Variants in ARID4A observed in about 807,000 individuals in gnomAD.
ARID4A encodes the protein AT-rich interaction domain 4A, also known as AT-rich interactive domain-containing protein 4A.
A neutral mutation model predicts 148.6 loss-of-function variants in ARID4A; 39 were observed. That is an observed-to-expected ratio of 0.26 (90% CI 0.20 to 0.34). The LOEUF (loss-of-function observed/expected upper bound fraction) is 0.34, where lower values mean the gene tolerates loss of function less well. Among genes scored for constraint, ARID4A ranks in the 10% least tolerant of loss-of-function variants. ARID4A has a pLI of 1.00. For synonymous variants in ARID4A, 475 were observed against 481.2 expected (o/e 0.99, Z 0.17); for missense variants, 1,265 against 1,449.1 (o/e 0.87, Z 2.06).
chr14:58,340,223 A>ACTTCTT (rs141489412), intron 11 of ARID4A, among the ~76,000 whole-genome samples: 1 of 150,884 alleles, frequency 6.6e-6, no homozygotes, highest in African/African-American at 2.4e-5. Flanking sequence ...TTTTTTTTCT[A>ACTTCTT]CTTCTTCTTC....
chr14:58,352,071 A>G (rs1164688383), intron 16 of ARID4A, among the ~76,000 whole-genome samples: 1 of 152,234 alleles, frequency 6.6e-6, no homozygotes, highest in East Asian at 1.9e-4. Flanking sequence ...ATGAGCAACA[A>G]CATAACATAC....
In ARID4A at chr14:58,318,562, C is replaced by T. The variant is rs753385055; in HGVS notation, c.295C>T (p.Arg99Ter). The T allele has an allele frequency of 6.2e-7, 1 of 1,614,012 alleles. No individual in the cohort carries two copies. Among genetic ancestry groups the T allele is most frequent in the Non-Finnish European group, 8.5e-7 (1 of 1,179,990 alleles). Residue 99 changes from arginine to a stop codon, truncating the protein, a stop_gained, in exon 6 of 24, where the codon CGA becomes TGA. Coordinates refer to ENST00000355431, the MANE Select transcript of ARID4A (RefSeq NM_002892.4). LOFTEE classifies it high-confidence loss of function. Reference sequence around the variant, plus strand: ...TATAGTGTTTGATGATGGTGATGAGCGAACATTGAGACGTACCTCACTTTG... The same window carrying T: ...TATAGTGTTTGATGATGGTGATGAGTGAACATTGAGACGTACCTCACTTTG... The part of the protein sequence containing the change: ...YTVVFDDGDE[R>*]TLRRTSLCLK...
chr14:58,334,746 T>C lies in ARID4A; in HGVS notation c.906+4577T>C, dbSNP rs374273405. Reference sequence around the variant, plus strand: ...TCTCAGGTTATGCTGTGGATCTCATTCCCTTCCTCTTTTCAGGAAAAGAGA... The same window carrying C: ...TCTCAGGTTATGCTGTGGATCTCATCCCCTTCCTCTTTTCAGGAAAAGAGA... On this transcript the variant is annotated intron_variant, in intron 11 of 23. Transcript: ENST00000355431. 2.6e-5 allele frequency among the ~76,000 whole-genome samples: 4 copies of C among 152,176 alleles called. 1 individual carries two copies.
chr14:58,360,564 C>T (rs867437654), intron 18 of ARID4A, among the ~76,000 whole-genome samples: 4 of 152,048 alleles, frequency 2.6e-5, no homozygotes, highest in African/African-American at 9.7e-5. Flanking sequence ...GCGGGGAGTG[C>T]GGAATAGTTG....
At chr14:58,312,838 C>T (rs1365534166) in intron 5 of ARID4A, among the ~76,000 whole-genome samples, 1 of 152,166 alleles carries the variant, frequency 6.6e-6, no homozygotes, top group Non-Finnish European at 1.5e-5. Flanking sequence ...TTTGTAGAGG[C>T]TGTTGTGAGG....
Position 58,359,128 on chromosome 14 carries a change from T to TTTTA in ARID4A, c.1854-4_1854-3insTTTA. On this transcript the variant is annotated splice_region_variant and splice_polypyrimidine_tract_variant and intron_variant, in intron 17 of 23. Transcript: ENST00000355431. Reference sequence around the variant, plus strand: ...AACTCTTTTTTTTTTTTTTTTTTTTTAAGGTATGATGAGTGGGTGAAGGCT... The same window carrying TTTTA: ...AACTCTTTTTTTTTTTTTTTTTTTTTTTTAAAGGTATGATGAGTGGGTGAAGGCT... 6.4e-7 allele frequency: 1 copy of TTTTA among 1,551,460 alleles called. No individual in the cohort carries two copies. The highest frequency in any genetic ancestry group is 8.7e-7 in the Non-Finnish European group (1 of 1,155,150).
chr14:58,356,945 C>T lies in ARID4A; in HGVS notation c.1854-2187C>T, dbSNP rs550695154. Among the ~76,000 whole-genome samples the T allele has an allele frequency of 1.5e-4, 23 of 152,140 alleles. No individual in the cohort carries two copies. In the South Asian group the frequency reaches 4.1e-3, roughly 27 times the overall value. ...TCGATTTCTTGACCTTGTGATCGCC[C>T]GCCTCGGCCTCCCAAAGTGTTGGGA... On this transcript the variant is annotated intron_variant, in intron 17 of 23. Transcript: ENST00000355431.
Position 58,365,016 on chromosome 14 carries a change from A to G in ARID4A, c.2927A>G (p.Glu976Gly). 6.2e-7 allele frequency: 1 copy of G among 1,614,172 alleles called. No homozygotes were observed. Among genetic ancestry groups the G allele is most frequent in the African/African-American group, 1.3e-5 (1 of 75,046 alleles). The change falls in exon 20 of 24, where the codon GAG (glutamate) becomes GGG (glycine). Residue 976 changes from glutamate to glycine, a missense_variant. Coordinates refer to ENST00000355431, the MANE Select transcript of ARID4A (RefSeq NM_002892.4). ...GATGAAAAGGATAAGACCAGCATTG[A>G]GGATGTAGCAGTTGAAAGCTCTGAG... ...DLDEKDKTSI[E>G]DVAVESSESN... is the part of the protein sequence containing the mutation.
intron 5 of ARID4A, among the ~76,000 whole-genome samples, chr14:58,316,921 C>T (rs1177301253): frequency 1.4e-3 from 1 of 726 alleles, no homozygotes; most frequent in Non-Finnish European, 4.0e-3. Flanking sequence ...AGGCCAGGCG[C>T]GGTGCTCACG....
chr14:58,366,145 G>T lies in ARID4A; in HGVS notation c.3438G>T (p.Pro1146=). 1.2e-6 allele frequency: 2 copies of T among 1,613,798 alleles called. No homozygotes were observed. The highest frequency in any genetic ancestry group is 1.7e-6 in the Non-Finnish European group (2 of 1,179,822). Reference sequence around the variant, plus strand: ...CACGATCTCCTGCAAGAATATCCCCGCACATCAAAGATGGAGAGAAAGATA... The same window carrying T: ...CACGATCTCCTGCAAGAATATCCCCTCACATCAAAGATGGAGAGAAAGATA... The part of the protein sequence containing the change: ...KLARSPARIS[P]HIKDGEKDKH... Residue 1146 remains proline (P), a synonymous_variant, in exon 22 of 24, where the codon CCG becomes CCT. Coordinates refer to ENST00000355431, the MANE Select transcript of ARID4A (RefSeq NM_002892.4).
chr14:58,337,510 C>T (rs2033893462), intron 11 of ARID4A, among the ~76,000 whole-genome samples: 1 of 151,656 alleles, frequency 6.6e-6, no homozygotes, highest in African/African-American at 2.4e-5. Flanking sequence ...CTCTTTGAAA[C>T]AAGGTGGTGG....
intron 8 of ARID4A, among the ~76,000 whole-genome samples, chr14:58,323,824 G>T (rs763530313): frequency 5.4e-5 from 8 of 147,014 alleles, no homozygotes; most frequent in Non-Finnish European, 1.0e-4. Flanking sequence ...GGCTTTTATT[G>T]AGCTCTTTTA....
At chr14:58,325,980 A>T (rs1213244073) in intron 8 of ARID4A, among the ~76,000 whole-genome samples, 1 of 152,168 alleles carries the variant, frequency 6.6e-6, no homozygotes, top group African/African-American at 2.4e-5. Flanking sequence ...AATGTACAGA[A>T]TAATTCAAGT....
At chr14:58,330,315 C>A in intron 11 of ARID4A, 146 bp downstream of exon 11, 1 of 1,118,942 alleles carries the variant, frequency 8.9e-7, no homozygotes, top group Non-Finnish European at 1.2e-6. Context: ...GTTGAGGAAG[C>A]ATTTTGGCTC....
At chr14:58,308,135 C>T (rs1325568769) in intron 5 of ARID4A, among the ~76,000 whole-genome samples, 3 of 152,148 alleles carry the variant, frequency 2.0e-5, no homozygotes, top group Non-Finnish European at 2.9e-5. Context: ...ACATGAGTAG[C>T]GTTTTAGTGT....
At chr14:58,370,626 G>A (rs1336962553) in intron 23 of ARID4A, among the ~76,000 whole-genome samples, 9 of 151,550 alleles carry the variant, frequency 5.9e-5, no homozygotes, top group Admixed American at 5.9e-4. Context: ...CGTCTTTTTT[G>A]TTGTTGGGGG....
intron 7 of ARID4A, among the ~76,000 whole-genome samples, chr14:58,320,828 C>T (rs1315909654): frequency 1.3e-5 from 2 of 152,020 alleles, no homozygotes; most frequent in African/African-American, 4.8e-5. Flanking sequence ...AGGATGGTCT[C>T]GATCTCCTGA....
chr14:58,350,404 C>G (rs2034581542), intron 15 of ARID4A, among the ~76,000 whole-genome samples: 1 of 152,094 alleles, frequency 6.6e-6, no homozygotes, highest in African/African-American at 2.4e-5. Context: ...TGAAGGAGAA[C>G]CTAGGAGATA....
intron 5 of ARID4A, among the ~76,000 whole-genome samples, chr14:58,308,174 C>G (rs2031755476): frequency 6.6e-6 from 1 of 152,158 alleles, no homozygotes; most frequent in South Asian, 2.1e-4. Context: ...GCTAAGCATT[C>G]TCTATGGTGA....
Sources: gnomAD v4.1 joint callset for allele counts (sites outside exome capture counted in the v4.1 genomes callset) on GRCh38, gnomAD v4.1.1 for gene constraint, MANE v1.5 for transcripts, NCBI Gene and HGNC (gene_info 2026-07-23, HGNC 2026-07-21) for gene names.